Variants in TMEM272 observed in about 807,000 individuals in gnomAD.
The protein encoded by TMEM272 is long intergenic non-protein coding RNA 282.
In TMEM272, 8 loss-of-function variants were observed where a neutral mutation model predicts 3.7. That is an observed-to-expected ratio of 2.17 (90% CI 1.27 to 3.91). TMEM272 has a LOEUF of 3.91. TMEM272 is among the 30% of genes most tolerant of loss of function. The pLI is 0.00. For synonymous variants in TMEM272, 63 were observed against 39.8 expected, an observed-to-expected ratio of 1.58 and a Z score of -2.20; for missense variants, 166 against 91.5, an observed-to-expected ratio of 1.81 and a Z score of -3.32.
chr13:51,892,380 C>G, the TMEM272 span, among the ~76,000 whole-genome samples: 2 of 152,222 alleles, frequency 1.3e-5, no homozygotes, highest in African/African-American at 4.8e-5. Flanking sequence ...CCAAAGCATG[C>G]AGACTTGTGT....
the TMEM272 span, among the ~76,000 whole-genome samples, chr13:51,912,583 C>A: frequency 6.6e-6 from 1 of 152,156 alleles, no homozygotes; most frequent in South Asian, 2.1e-4. Context: ...CTAATTATTG[C>A]CAATTTGTTT....
the TMEM272 span, among the ~76,000 whole-genome samples, chr13:51,882,878 G>A: frequency 6.6e-4 from 100 of 152,254 alleles, no homozygotes; most frequent in East Asian, 5.0e-3. Context: ...CATGACCTCC[G>A]CCCAGGGCCT....
the TMEM272 span, among the ~76,000 whole-genome samples, chr13:51,880,845 A>T: frequency 6.6e-6 from 1 of 152,204 alleles, no homozygotes; most frequent in Non-Finnish European, 1.5e-5. Flanking sequence ...GGTTCAGTGT[A>T]TACTGCTCGG....
chr13:51,877,650 A>C, the TMEM272 span, among the ~76,000 whole-genome samples: 1 of 152,242 alleles, frequency 6.6e-6, no homozygotes, highest in Non-Finnish European at 1.5e-5. Flanking sequence ...TGACAATTCT[A>C]CCAGAGCTTT....
At chr13:51,877,336 G>A in the TMEM272 span, among the ~76,000 whole-genome samples, 6 of 152,196 alleles carry the variant, frequency 3.9e-5, no homozygotes, top group African/African-American at 1.4e-4. Flanking sequence ...TAGAAGACAG[G>A]GCAGAGGTTC....
chr13:51,852,484 T>C, the TMEM272 span, among the ~76,000 whole-genome samples: 2 of 152,230 alleles, frequency 1.3e-5, no homozygotes, highest in South Asian at 4.1e-4. Flanking sequence ...ACAGTTCTCT[T>C]CTTTCAATAC....
At chr13:51,860,341 G>T in the TMEM272 span, among the ~76,000 whole-genome samples, 3 of 152,064 alleles carry the variant, frequency 2.0e-5, no homozygotes, top group Non-Finnish European at 4.4e-5. Context: ...CATTCCAAAA[G>T]AATTAAAGGA....
At chr13:51,839,851 C>T (rs1013339656) in intron 1 of TMEM272, among the ~76,000 whole-genome samples, 2 of 152,244 alleles carry the variant, frequency 1.3e-5, no homozygotes, top group Non-Finnish European at 2.9e-5. Flanking sequence ...AGCACACAAG[C>T]ACGGTGGTTG....
chr13:51,894,314 T>G, the TMEM272 span, among the ~76,000 whole-genome samples: 1 of 152,180 alleles, frequency 6.6e-6, no homozygotes, highest in Admixed American at 6.5e-5. Context: ...TCTCTCTCCC[T>G]ACAGACACTC....
chr13:51,850,138 A>G (rs1334952302), upstream of TMEM272, among the ~76,000 whole-genome samples: 1 of 152,150 alleles, frequency 6.6e-6, no homozygotes, highest in Admixed American at 6.5e-5. Context: ...CCCTTCTGTA[A>G]TTTTGTTTGA....
chr13:51,881,806 G>T, the TMEM272 span, among the ~76,000 whole-genome samples: 3 of 152,144 alleles, frequency 2.0e-5, no homozygotes, highest in Non-Finnish European at 4.4e-5. Context: ...TTTGAACTTG[G>T]ATTTCCCAGG....
chr13:51,908,215 G>T, the TMEM272 span: 2 of 703,068 alleles, frequency 2.8e-6, no homozygotes, highest in Non-Finnish European at 5.0e-6. Context: ...AATATTATCA[G>T]GTTTCTTGCC....
At chr13:51,819,605 C>T (rs1421505328) in intron 4 of TMEM272, among the ~76,000 whole-genome samples, 4 of 152,232 alleles carry the variant, frequency 2.6e-5, no homozygotes, top group African/African-American at 7.2e-5. Context: ...GTTGTGAGCT[C>T]TTCCAATCAA....
the TMEM272 span, among the ~76,000 whole-genome samples, chr13:51,860,262 A>T: frequency 6.6e-6 from 1 of 152,320 alleles, no homozygotes; most frequent in East Asian, 1.9e-4. Flanking sequence ...GAGGAATTGC[A>T]GATATTGGGC....
In TMEM272 at chr13:51,813,833, G is replaced by A. The variant is rs1221510965; in HGVS notation, c.*2918C>T. 1.3e-5 allele frequency: 2 copies of A among 152,202 alleles called. No individual in the cohort carries two copies. Among genetic ancestry groups the A allele is most frequent in the Non-Finnish European group, 2.9e-5 (2 of 68,056 alleles). 9.4% of individuals were successfully genotyped at this position (152,202 alleles called of 1,614,324 possible). ...GCAAATAAAATGATCTCAACATATA[G>A]TTTATCTTTGCTGCAGTCTTTTCTC... On this transcript the variant is annotated 3_prime_UTR_variant, in exon 5 of 5. Transcript: ENST00000629372.
At chr13:51,889,461 A>G in the TMEM272 span, among the ~76,000 whole-genome samples, 6 of 152,190 alleles carry the variant, frequency 3.9e-5, no homozygotes, top group Middle Eastern at 3.2e-3. Flanking sequence ...CACAGAGAAA[A>G]AGGCCCTGTG....
the TMEM272 span, among the ~76,000 whole-genome samples, chr13:51,880,567 G>T: frequency 2.0e-5 from 3 of 152,062 alleles, no homozygotes; most frequent in Admixed American, 6.5e-5. Context: ...AAAGTCAGTC[G>T]GTCCCCACAC....
At chr13:51,819,446 C>G (rs961721674) in intron 4 of TMEM272, among the ~76,000 whole-genome samples, 2 of 152,174 alleles carry the variant, frequency 1.3e-5, no homozygotes, top group Non-Finnish European at 2.9e-5. Context: ...CACGTGTCCC[C>G]AGATCTGGCT....
intron 3 of TMEM272, among the ~76,000 whole-genome samples, chr13:51,824,417 A>G (rs1222454366): frequency 1.3e-5 from 2 of 152,264 alleles, no homozygotes; most frequent in East Asian, 3.9e-4. Context: ...TGTACAATTC[A>G]TCGGCATAAT....
Sources: gnomAD v4.1 joint callset for allele counts (sites outside exome capture counted in the v4.1 genomes callset) on GRCh38, gnomAD v4.1.1 for gene constraint, MANE v1.5 for transcripts, NCBI Gene and HGNC (gene_info 2026-07-23, HGNC 2026-07-21) for gene names.